Variants in DLGAP2 observed in about 807,000 individuals in gnomAD.
DLGAP2 encodes the protein disks large-associated protein 2.
DLGAP2 carries 26 observed loss-of-function variants against 100.3 expected under a neutral mutation model. The ratio of observed to expected loss-of-function variants is 0.26; its 90% CI spans 0.19 to 0.36. The LOEUF (loss-of-function observed/expected upper bound fraction) is 0.36, where lower values mean the gene tolerates loss of function less well. DLGAP2 is among the 10% of genes least tolerant of loss of function. The pLI is 1.00. For missense variants in DLGAP2, 1,858 were observed against 1,453.2 expected, an observed-to-expected ratio of 1.28 and a Z score of -4.53; for synonymous variants, 886 against 630.1, an observed-to-expected ratio of 1.41 and a Z score of -6.08.
At chr8:1,277,799 G>T (rs181935227) in intron 3 of DLGAP2, among the ~76,000 whole-genome samples, 3 of 152,268 alleles carry the variant, frequency 2.0e-5, no homozygotes, top group Non-Finnish European at 2.9e-5. Flanking sequence ...ACCTTTCTCC[G>T]CACGTTTCTC....
intron 4 of DLGAP2, among the ~76,000 whole-genome samples, chr8:1,538,086 C>T (rs1459907119): frequency 1.3e-5 from 2 of 152,146 alleles, no homozygotes; most frequent in Admixed American, 6.5e-5. Context: ...CTGCAGGGCT[C>T]GGGGCTGCTG....
intron 3 of DLGAP2, among the ~76,000 whole-genome samples, chr8:1,334,337 G>A (rs142747072): frequency 4.6e-5 from 7 of 152,306 alleles, no homozygotes; most frequent in Non-Finnish European, 8.8e-5. Flanking sequence ...CGTTCCTGGC[G>A]TCGGCCCTCA....
At chr8:837,406 A>C (rs1796899434) in intron 1 of DLGAP2, among the ~76,000 whole-genome samples, 1 of 152,232 alleles carries the variant, frequency 6.6e-6, no homozygotes, top group Non-Finnish European at 1.5e-5. Context: ...ACCAGTTTTG[A>C]CCAAGACTCC....
intron 5 of DLGAP2, among the ~76,000 whole-genome samples, chr8:1,554,995 C>T (rs1282978113): frequency 6.6e-6 from 1 of 152,198 alleles, no homozygotes; most frequent in African/African-American, 2.4e-5. Flanking sequence ...AATGAAAGAA[C>T]TGGCCAGCCT....
At chr8:1,568,663 C>T (rs74369425) in intron 6 of DLGAP2, among the ~76,000 whole-genome samples, 3 of 132,738 alleles carry the variant, frequency 2.3e-5, no homozygotes, top group African/African-American at 8.9e-5. Context: ...ATGCCACTGT[C>T]CACTCAGCAG....
chr8:1,229,713 G>T (rs116983439), intron 2 of DLGAP2, among the ~76,000 whole-genome samples: 13 of 152,118 alleles, frequency 8.5e-5, no homozygotes, highest in African/African-American at 7.2e-5. Flanking sequence ...GGTTGGTTCA[G>T]TGCACACAAA....
intron 6 of DLGAP2, among the ~76,000 whole-genome samples, chr8:1,590,909 C>G (rs1056341122): frequency 1.3e-5 from 2 of 152,186 alleles, no homozygotes; most frequent in African/African-American, 4.8e-5. Flanking sequence ...TATCCCTTAA[C>G]CATTCTTTAA....
At chr8:769,211 A>G (rs1038075292) in intron 1 of DLGAP2, among the ~76,000 whole-genome samples, 2 of 152,158 alleles carry the variant, frequency 1.3e-5, no homozygotes, top group Admixed American at 6.5e-5. Flanking sequence ...CCGAGGGGCA[A>G]TCTGAAAGTT....
intron 6 of DLGAP2, among the ~76,000 whole-genome samples, chr8:1,605,422 T>C (rs1294053607): frequency 3.3e-5 from 5 of 152,180 alleles, no homozygotes; most frequent in Admixed American, 1.3e-4. Flanking sequence ...TCCCCTGACG[T>C]CTTCTGTTCG....
intron 2 of DLGAP2, among the ~76,000 whole-genome samples, chr8:1,204,008 G>A (rs1353074755): frequency 6.6e-6 from 1 of 152,256 alleles, no homozygotes; most frequent in Non-Finnish European, 1.5e-5. Flanking sequence ...GTAGGGTAAA[G>A]TAGTGCTCTT....
chr8:1,170,740 C>T (rs895305207), intron 2 of DLGAP2, among the ~76,000 whole-genome samples: 3 of 149,966 alleles, frequency 2.0e-5, no homozygotes, highest in Admixed American at 6.7e-5. Flanking sequence ...TCCCCTTTAT[C>T]ATTTTTTATT....
intron 3 of DLGAP2, among the ~76,000 whole-genome samples, chr8:1,334,813 T>C (rs930575520): frequency 6.6e-6 from 1 of 152,026 alleles, no homozygotes; most frequent in Admixed American, 6.6e-5. Flanking sequence ...TGACACGCTG[T>C]AAAGGAAGAG....
At chr8:1,366,103 CTG>C (rs1802102341) in intron 3 of DLGAP2, among the ~76,000 whole-genome samples, 1 of 152,254 alleles carries the variant, frequency 6.6e-6, no homozygotes, top group Non-Finnish European at 1.5e-5. Flanking sequence ...AGGCCAGACA[CTG>C]TGCTGGGGAT....
chr8:871,971 C>G (rs1007931946), intron 1 of DLGAP2, among the ~76,000 whole-genome samples: 1 of 152,134 alleles, frequency 6.6e-6, no homozygotes, highest in Admixed American at 6.5e-5. Context: ...CTTACATACT[C>G]TACAGTTTTT....
At chr8:1,017,517 A>ACGG (rs1281490400) in intron 2 of DLGAP2, among the ~76,000 whole-genome samples, 5 of 96,614 alleles carry the variant, frequency 5.2e-5, no homozygotes, top group Admixed American at 4.5e-4. Context: ...ACCAGGACAG[A>ACGG]CGCCTCCACT....
At chr8:1,099,390 T>A (rs868032288) in intron 2 of DLGAP2, among the ~76,000 whole-genome samples, 1 of 152,244 alleles carries the variant, frequency 6.6e-6, no homozygotes, top group Admixed American at 6.5e-5. Context: ...CATTTATCTT[T>A]GCTCGCAAGT....
rs1055066461 is a variant in DLGAP2, at chr8:1,681,719, G to A, written c.2704+3090G>A. On this transcript the variant is annotated intron_variant, in intron 12 of 14. Coordinates refer to ENST00000637795, the MANE Select transcript of DLGAP2 (RefSeq NM_001346810.2). ...TGATATGTCAGGCCCTGTGCCGAAT[G>A]CACTGCAGACCTCATTAATGCTCAT... is the stretch of plus-strand genomic sequence containing the variant. Among the ~76,000 whole-genome samples, 12 of 152,342 alleles carry A rather than the reference G, an allele frequency of 7.9e-5. 1 individual carries two copies. The highest frequency in any genetic ancestry group is 5.9e-4 in the Admixed American group (9 of 15,306).
chr8:1,473,502 A>G (rs751332858), intron 3 of DLGAP2, among the ~76,000 whole-genome samples: 2 of 152,228 alleles, frequency 1.3e-5, no homozygotes, highest in African/African-American at 2.4e-5. Flanking sequence ...ATTCTCAAAA[A>G]GGCAGAACTG....
At chr8:1,002,880 AG>A (rs1801001155) in intron 2 of DLGAP2, 1 of 152,278 alleles carries the variant, frequency 6.6e-6, no homozygotes. Context: ...AGTGGGGCCC[AG>A]GCACCCCATG....
Sources: gnomAD v4.1 joint callset for allele counts (sites outside exome capture counted in the v4.1 genomes callset) on GRCh38, gnomAD v4.1.1 for gene constraint, MANE v1.5 for transcripts, NCBI Gene and HGNC (gene_info 2026-07-23, HGNC 2026-07-21) for gene names.